The following EXOC4 variants were observed in gnomAD, a reference collection of about 807,000 sequenced individuals.
EXOC4 encodes the protein SEC8-like 1.
EXOC4 carries 71 observed loss-of-function variants against 107.2 expected under a neutral mutation model. The ratio of observed to expected loss-of-function variants is 0.66; its 90% CI spans 0.55 to 0.81. The LOEUF is 0.81. EXOC4 is among the 30% of genes least tolerant of loss of function. The probability of loss-of-function intolerance (pLI) is 0.00; values close to 1 mark genes in which losing one functional copy is unlikely to be tolerated. For synonymous variants in EXOC4, 456 were observed against 441.2 expected, an observed-to-expected ratio of 1.03 and a Z score of -0.42; for missense variants, 1,108 against 1,189.6, an observed-to-expected ratio of 0.93 and a Z score of 1.01.
intron 5 of EXOC4, among the ~76,000 whole-genome samples, chr7:133,336,729 T>TTTTATTTTATTTTA (rs1795524962): frequency 8.1e-5 from 2 of 24,736 alleles, no homozygotes; most frequent in African/African-American, 1.9e-4. Flanking sequence ...ATTTTATTTA[T>TTTTATTTTATTTTA]TTTATTTTAT....
chr7:133,326,537 G>A (rs1241027813), intron 5 of EXOC4, among the ~76,000 whole-genome samples: 1 of 152,178 alleles, frequency 6.6e-6, no homozygotes, highest in Non-Finnish European at 1.5e-5. Context: ...TTGCTGAACA[G>A]CAAATGTTGC....
At chr7:134,014,968 T>C (rs1231382980) in intron 17 of EXOC4, among the ~76,000 whole-genome samples, 1 of 152,148 alleles carries the variant, frequency 6.6e-6, no homozygotes, top group Non-Finnish European at 1.5e-5. Context: ...AAGGAAGAAT[T>C]TTTGGAGAAG....
chr7:133,527,950 G>A (rs925368702), intron 9 of EXOC4, among the ~76,000 whole-genome samples: 5 of 152,084 alleles, frequency 3.3e-5, no homozygotes, highest in Non-Finnish European at 7.4e-5. Flanking sequence ...AGTCATTCTC[G>A]AACTTTATTT....
At chr7:133,298,375 T>G (rs891544542) in intron 3 of EXOC4, among the ~76,000 whole-genome samples, 1 of 152,172 alleles carries the variant, frequency 6.6e-6, no homozygotes, top group African/African-American at 2.4e-5. Context: ...TTGCCAACTC[T>G]TAAAAAGAGA....
At chr7:133,787,965 A>ATATT (rs1796618356) in intron 10 of EXOC4, among the ~76,000 whole-genome samples, 2 of 12,154 alleles carry the variant, frequency 1.6e-4, no homozygotes, top group Non-Finnish European at 3.7e-4. Context: ...TTATATATTT[A>ATATT]TATATATATA....
intron 9 of EXOC4, among the ~76,000 whole-genome samples, chr7:133,502,111 A>G (rs1799586902): frequency 6.6e-6 from 1 of 152,136 alleles, no homozygotes; most frequent in Non-Finnish European, 1.5e-5. Flanking sequence ...GAGATTATCA[A>G]ACCAGGGTCA....
rs77279813 is a variant in EXOC4 at position 133,266,941 on chromosome 7, C to T, written c.87-8041C>T. Among the ~76,000 whole-genome samples, 1,322 of 152,246 alleles carry T rather than the reference C, an allele frequency of 8.7e-3. 26 individuals carry two copies. Among genetic ancestry groups the T allele is most frequent in the African/African-American group, 0.03 (1,244 of 41,550 alleles). ...TATCATGTGATGTGTCTCCTTTTGCCTGGGCTGCTAGGAAGCTCAGATTTA... is the reference window on the plus strand; with the variant it reads ...TATCATGTGATGTGTCTCCTTTTGCTTGGGCTGCTAGGAAGCTCAGATTTA... On this transcript the variant is annotated intron_variant, in intron 1 of 17. Coordinates refer to ENST00000253861, the MANE Select transcript of EXOC4 (RefSeq NM_021807.4).
At chr7:133,412,323 A>ATT (rs1797380221) in intron 7 of EXOC4, among the ~76,000 whole-genome samples, 1 of 106,764 alleles carries the variant, frequency 9.4e-6, no homozygotes, top group South Asian at 3.3e-4. Context: ...GTTGATGGGC[A>ATT]TTAGTTAGCT....
intron 10 of EXOC4, among the ~76,000 whole-genome samples, chr7:133,706,303 A>C (rs748930190): frequency 1.3e-4 from 20 of 152,192 alleles, no homozygotes; most frequent in Non-Finnish European, 2.4e-4. Context: ...TACTACTATG[A>C]TTTTACTTTA....
chr7:134,014,150 T>A (rs2116381068), intron 17 of EXOC4, among the ~76,000 whole-genome samples: 1 of 152,344 alleles, frequency 6.6e-6, no homozygotes, highest in South Asian at 2.1e-4. Flanking sequence ...ACGCCTGTAA[T>A]CCCAGTACTT....
intron 12 of EXOC4, among the ~76,000 whole-genome samples, chr7:133,904,062 A>G (rs1026506091): frequency 6.6e-6 from 1 of 152,206 alleles, no homozygotes; most frequent in African/African-American, 2.4e-5. Context: ...GGAAGGGTAA[A>G]TAGAGGCAAA....
intron 10 of EXOC4, among the ~76,000 whole-genome samples, chr7:133,761,372 G>C (rs942831456): frequency 2.0e-5 from 3 of 151,866 alleles, no homozygotes; most frequent in African/African-American, 7.3e-5. Flanking sequence ...AGAGTTTAAG[G>C]GTGCTTAAGA....
chr7:133,282,080 A>G (rs752584284), intron 2 of EXOC4, among the ~76,000 whole-genome samples: 11 of 152,180 alleles, frequency 7.2e-5, no homozygotes, highest in Non-Finnish European at 1.5e-4. Flanking sequence ...CCCTCTCACT[A>G]TATAGATCTC....
intron 10 of EXOC4, among the ~76,000 whole-genome samples, chr7:133,634,887 C>T (rs1456434557): frequency 6.6e-6 from 1 of 152,162 alleles, no homozygotes; most frequent in East Asian, 1.9e-4. Context: ...GAAATACTTT[C>T]CCTAAAATAC....
At chr7:133,369,671 C>G (rs1277503914) in intron 6 of EXOC4, among the ~76,000 whole-genome samples, 3 of 152,060 alleles carry the variant, frequency 2.0e-5, no homozygotes, top group African/African-American at 4.8e-5. Flanking sequence ...ATATTTATCA[C>G]TTTTAAAATT....
intron 9 of EXOC4, among the ~76,000 whole-genome samples, chr7:133,563,191 A>T (rs1800842016): frequency 6.6e-6 from 1 of 152,170 alleles, no homozygotes; most frequent in Non-Finnish European, 1.5e-5. Flanking sequence ...CTAATGGCAT[A>T]TGAAATTGAA....
At chr7:133,634,629 AC>A (rs1285152483) in intron 10 of EXOC4, among the ~76,000 whole-genome samples, 1 of 152,192 alleles carries the variant, frequency 6.6e-6, no homozygotes, top group Non-Finnish European at 1.5e-5. Context: ...AGCTGGGGTT[AC>A]AGGCATGCGC....
chr7:133,576,556 A>G lies in EXOC4; in HGVS notation c.1418-53489A>G, dbSNP rs752090553. On this transcript the variant is annotated intron_variant, in intron 9 of 17. Transcript: ENST00000253861. Reference sequence around the variant, plus strand: ...CAGCAAGCAAAACCAAAATGAGCAAAGGAGAGGATCCCAATAATCCCAGAT... The same window carrying G: ...CAGCAAGCAAAACCAAAATGAGCAAGGGAGAGGATCCCAATAATCCCAGAT... 4.0e-5 allele frequency: 51 copies of G among 1,289,804 alleles called. 1 individual carries two copies. The South Asian group carries it at 6.3e-4, about 16-fold the overall frequency. The allele number at this position is 1,289,804 out of a possible 1,614,324, so 79.9% of individuals were successfully genotyped here.
chr7:133,472,095 G>C (rs901743737), intron 7 of EXOC4, among the ~76,000 whole-genome samples: 1 of 152,178 alleles, frequency 6.6e-6, no homozygotes, highest in Non-Finnish European at 1.5e-5. Flanking sequence ...AAGTAATTTT[G>C]ATTGCAGTGT....
Sources: allele counts gnomAD v4.1 joint callset (sites outside exome capture counted in the v4.1 genomes callset), GRCh38; gene constraint gnomAD v4.1.1; transcripts MANE v1.5; gene names NCBI Gene and HGNC (gene_info 2026-07-23, HGNC 2026-07-21).